Variants in NR5A1 observed in about 807,000 individuals in gnomAD.
NR5A1 encodes the protein steroidogenic factor 1.
NR5A1 carries 6 observed loss-of-function variants against 42.7 expected under a neutral mutation model. That is an observed-to-expected ratio of 0.14 (90% CI 0.08 to 0.28). The LOEUF is 0.28. NR5A1 is among the 10% of genes least tolerant of loss of function. NR5A1 has a pLI of 1.00. For missense variants in NR5A1, 442 were observed against 626.4 expected (o/e 0.71, Z 3.14); for synonymous variants, 274 against 277.5 (o/e 0.99, Z 0.12).
chr9:124,491,036 C>CCCCCCCCGCGGGGGG, intron 6 of NR5A1, 45 bp downstream of exon 6: 1 of 1,401,602 alleles, frequency 7.1e-7, no homozygotes, highest in Non-Finnish European at 9.6e-7. Context: ...CCCACCCACC[C>CCCCCCCCGCGGGGGG]GCCTCTGGCT....
At chr9:124,484,314 C>G (rs1009513649) in intron 6 of NR5A1, among the ~76,000 whole-genome samples, 1 of 152,212 alleles carries the variant, frequency 6.6e-6, no homozygotes, top group African/African-American at 2.4e-5. Flanking sequence ...ACGTGGTGAC[C>G]GCACCCCAAG....
At chr9:124,491,001 C>T in intron 6 of NR5A1, 80 bp downstream of exon 6, 1 of 1,520,564 alleles carries the variant, frequency 6.6e-7, no homozygotes, top group South Asian at 1.2e-5. Flanking sequence ...CACAGCAGGG[C>T]TACCTCTCCA....
chr9:124,491,036 C>CCCCCCCGCGGGGG, intron 6 of NR5A1, 45 bp downstream of exon 6: 1 of 1,401,600 alleles, frequency 7.1e-7, no homozygotes, highest in Non-Finnish European at 9.6e-7. Context: ...CCCACCCACC[C>CCCCCCCGCGGGGG]GCCTCTGGCT....
At chr9:124,499,988 G>T in intron 4 of NR5A1, 102 bp downstream of exon 4, 2 of 1,572,094 alleles carry the variant, frequency 1.3e-6, no homozygotes, top group Non-Finnish European at 1.7e-6. Flanking sequence ...ACTGCCTGAA[G>T]CCAGTGGGAA....
chr9:124,493,447 C>A (rs933008803), intron 4 of NR5A1, among the ~76,000 whole-genome samples: 2 of 152,212 alleles, frequency 1.3e-5, no homozygotes, highest in South Asian at 2.1e-4. Flanking sequence ...GTAAAGTGGG[C>A]AAAGTACTGA....
rs371935542 is a variant in NR5A1, at chr9:124,493,751, C to T, written c.871-602G>A. 1.2e-4 allele frequency among the ~76,000 whole-genome samples: 19 copies of T among 152,258 alleles called. No individual in the cohort carries two copies. In the East Asian group the frequency reaches 2.7e-3, roughly 22 times the overall value. On this transcript the variant is annotated intron_variant, in intron 4 of 6. Transcript: ENST00000373588. Reference sequence around the variant, plus strand: ...CAGGCCCAGGGCATGAGCAGGGGGGCGGCAATGGCCTGGCACATGAAGCAG... The same window carrying T: ...CAGGCCCAGGGCATGAGCAGGGGGGTGGCAATGGCCTGGCACATGAAGCAG...
intron 5 of NR5A1, among the ~76,000 whole-genome samples, chr9:124,492,690 C>A (rs903733490): frequency 6.6e-6 from 1 of 152,146 alleles, no homozygotes; most frequent in Non-Finnish European, 1.5e-5. Context: ...GGACTGCCCC[C>A]CTCATCCCTC....
intron 6 of NR5A1, among the ~76,000 whole-genome samples, chr9:124,486,798 G>A: frequency 6.6e-6 from 1 of 152,232 alleles, no homozygotes; most frequent in East Asian, 1.9e-4. Context: ...CGTTCTTCCA[G>A]CAGACACGGG....
At chr9:124,505,436 G>C (rs1832542571) in intron 1 of NR5A1, among the ~76,000 whole-genome samples, 1 of 152,198 alleles carries the variant, frequency 6.6e-6, no homozygotes, top group South Asian at 2.1e-4. Flanking sequence ...CGAGCCTGTA[G>C]CAGCTCTCTC....
Position 124,482,567 on chromosome 9 carries a change from C to A in NR5A1, c.*191G>T, listed in dbSNP as rs922898885. 3.0e-6 allele frequency: 2 copies of A among 676,302 alleles called. No individual in the cohort carries two copies. Among genetic ancestry groups the A allele is most frequent in the African/African-American group, 5.0e-5 (2 of 40,358 alleles). 41.9% of individuals were successfully genotyped at this position (676,302 alleles called of 1,614,324 possible). ...AGTGGCCACTCCACCTCCGCCAGGCCCTGCCCAGCCTCACCCACCTTCCCA... is the reference window on the plus strand; with the variant it reads ...AGTGGCCACTCCACCTCCGCCAGGCACTGCCCAGCCTCACCCACCTTCCCA... On this transcript the variant is annotated 3_prime_UTR_variant, in exon 7 of 7. Coordinates refer to ENST00000373588, the MANE Select transcript of NR5A1 (RefSeq NM_004959.5).
At position 124,482,642 on chromosome 9, in the gene NR5A1, G is replaced by A; in HGVS notation, c.*116C>T. The A allele has an allele frequency of 8.1e-7, 1 of 1,231,138 alleles. No individual in the cohort carries two copies. 76.3% of individuals were successfully genotyped at this position (1,231,138 alleles called of 1,614,324 possible). A position where few individuals can be genotyped will look rare whatever the true frequency, so the allele number is the denominator to read the frequency against. Reference sequence around the variant, plus strand: ...GCAGCGGCCTCTGGGACGGGGCTGGGGCTCCTCGGTGGGCATCAGAAAATG... The same window carrying A: ...GCAGCGGCCTCTGGGACGGGGCTGGAGCTCCTCGGTGGGCATCAGAAAATG... On this transcript the variant is annotated 3_prime_UTR_variant, in exon 7 of 7. Coordinates refer to ENST00000373588, the MANE Select transcript of NR5A1 (RefSeq NM_004959.5).
At chr9:124,505,435 A>G (rs1413513389) in intron 1 of NR5A1, among the ~76,000 whole-genome samples, 1 of 152,122 alleles carries the variant, frequency 6.6e-6, no homozygotes, top group Non-Finnish European at 1.5e-5. Flanking sequence ...TCGAGCCTGT[A>G]GCAGCTCTCT....
At chr9:124,495,115 C>A (rs1832371087) in intron 4 of NR5A1, among the ~76,000 whole-genome samples, 1 of 152,184 alleles carries the variant, frequency 6.6e-6, no homozygotes, top group Admixed American at 6.5e-5. Context: ...TCCATCCACA[C>A]CTCACCTCTG....
chr9:124,481,610 C>T lies in NR5A1; in HGVS notation c.*1148G>A, dbSNP rs946767761. On this transcript the variant is annotated 3_prime_UTR_variant, in exon 7 of 7. Coordinates refer to ENST00000373588, the MANE Select transcript of NR5A1 (RefSeq NM_004959.5). ...CTTCATGGGTTTGCAGCAAGGGACC[C>T]AACGGGTTGGAGCCACAGAGAGGGG... is the stretch of plus-strand genomic sequence containing the variant. The T allele has an allele frequency of 2.6e-5, 4 of 152,358 alleles. No individual in the cohort carries two copies. The highest frequency in any genetic ancestry group is 5.9e-5 in the Non-Finnish European group (4 of 68,192). 9.4% of individuals were successfully genotyped at this position (152,358 alleles called of 1,614,324 possible).
intron 6 of NR5A1, among the ~76,000 whole-genome samples, chr9:124,489,977 A>G (rs930863319): frequency 4.1e-5 from 6 of 147,348 alleles, no homozygotes; most frequent in African/African-American, 1.5e-4. Flanking sequence ...CCTCCACAAC[A>G]CTCCCCACTC....
chr9:124,500,299 G>C lies in NR5A1; in HGVS notation c.661C>G (p.Pro221Ala), dbSNP rs1052978706. The C allele has an allele frequency of 5.1e-6, 8 of 1,564,800 alleles. No individual in the cohort carries two copies. The highest frequency in any genetic ancestry group is 6.9e-6 in the Non-Finnish European group (8 of 1,155,096). Reference protein sequence around the residue: ...YGYPEPFSGGPNVPELILQLL... With the variant: ...YGYPEPFSGGANVPELILQLL... ...TGCAGGATGAGCTCAGGCACGTTGG[G>C]CCCTCCAGAGAAGGGCTCTGGGTAG... Residue 221 changes from proline (P) to alanine (A), a missense_variant, in exon 4 of 7, where the codon CCC becomes GCC. Physicochemically the swap from Pro to Ala is conservative, Grantham distance 27. Transcript: ENST00000373588. This position sits in a 1 kb window ranked among gnomAD's most constrained non-coding sequence, Gnocchi z 6.9.
chr9:124,482,627 C>G lies in NR5A1; in HGVS notation c.*131G>C. The G allele has an allele frequency of 9.0e-7, 1 of 1,108,670 alleles. No individual in the cohort carries two copies. The highest frequency in any genetic ancestry group is 1.6e-5 in the African/African-American group (1 of 64,514). 68.7% of individuals were successfully genotyped at this position (1,108,670 alleles called of 1,614,324 possible). ...TGTCAGAACTCAGGGGCAGCGGCCT[C>G]TGGGACGGGGCTGGGGCTCCTCGGT... On this transcript the variant is annotated 3_prime_UTR_variant, in exon 7 of 7. Coordinates refer to ENST00000373588, the MANE Select transcript of NR5A1 (RefSeq NM_004959.5).
rs756285430 is a variant in NR5A1 at position 124,496,759 on chromosome 9, G to C, written c.870+3331C>G. On this transcript the variant is annotated intron_variant, in intron 4 of 6. Transcript: ENST00000373588. This position sits in a 1 kb window ranked among gnomAD's most constrained non-coding sequence, Gnocchi z 5.0. ...GTCTATCTGGGCAGTTAAATCTGCT[G>C]TCAGTGGGGGCCTCGGAGCTGGATG... 3.3e-5 allele frequency among the ~76,000 whole-genome samples: 5 copies of C among 152,240 alleles called. No individual in the cohort carries two copies. The highest frequency in any genetic ancestry group is 7.2e-5 in the African/African-American group (3 of 41,462).
Position 124,491,448 on chromosome 9 carries a change from G to T in NR5A1, c.991-220C>A, listed in dbSNP as rs573975799. On this transcript the variant is annotated intron_variant, in intron 5 of 6. Coordinates refer to ENST00000373588, the MANE Select transcript of NR5A1 (RefSeq NM_004959.5). ...CACCCTTCCGAGCTCTCCTCAACCC[G>T]CCAAGCCCGGAGCTGAGGCACCCAC... 2.0e-5 allele frequency among the ~76,000 whole-genome samples: 3 copies of T among 152,138 alleles called. No individual in the cohort carries two copies. The South Asian group carries it at 6.2e-4, about 32-fold the overall frequency.
Sources: gnomAD v4.1 joint callset for allele counts (sites outside exome capture counted in the v4.1 genomes callset) on GRCh38, gnomAD v4.1.1 for gene constraint, Gnocchi (gnomAD v3.1) non-coding constraint, MANE v1.5 for transcripts, NCBI Gene and HGNC (gene_info 2026-07-23, HGNC 2026-07-21) for gene names.